Variants in DOCK2 observed in about 807,000 individuals in gnomAD.
The protein encoded by DOCK2 is dedicator of cytokinesis protein 2.
A neutral mutation model predicts 248.9 loss-of-function variants in DOCK2; 87 were observed. That is an observed-to-expected ratio of 0.35 (90% CI 0.29 to 0.42). The LOEUF is 0.42. Ranked by LOEUF, DOCK2 falls within the 10% of genes least tolerant of loss-of-function variation. The pLI is 1.00. For missense variants in DOCK2, 1,747 were observed against 2,300.2 expected, an observed-to-expected ratio of 0.76 and a Z score of 4.92; for synonymous variants, 805 against 821.6, an observed-to-expected ratio of 0.98 and a Z score of 0.35.
rs1755630047 is a variant in DOCK2, at chr5:170,019,003, A to G, written c.3276A>G (p.Ile1092Met). 1.9e-6 allele frequency: 3 copies of G among 1,614,090 alleles called. No individual in the cohort carries two copies. The highest frequency in any genetic ancestry group is 1.7e-6 in the Non-Finnish European group (2 of 1,179,974). ...TCATCCCAGGCATGGTAGGACCTAT[A>G]TTAGAGATGACACTTATCCCTGAGG... ...ICFIPGMVGP[I>M]LEMTLIPEAE... Residue 1092 changes from isoleucine (I) to methionine (M), a missense_variant, in exon 33 of 52, where the codon ATA becomes ATG. Transcript: ENST00000520908.
chr5:169,736,490 G>C (rs1344110531), intron 22 of DOCK2, among the ~76,000 whole-genome samples: 3 of 152,108 alleles, frequency 2.0e-5, no homozygotes, highest in African/African-American at 7.2e-5. Flanking sequence ...GTCCACACAG[G>C]GTGTGTTAAA....
Position 169,966,033 on chromosome 5 carries a change from T to C in DOCK2, c.2800-17035T>C, listed in dbSNP as rs368941605. Among the ~76,000 whole-genome samples the C allele has an allele frequency of 2.8e-4, 43 of 152,330 alleles. 1 individual carries two copies. The South Asian group carries it at 8.3e-3, about 29-fold the overall frequency. On this transcript the variant is annotated intron_variant, in intron 27 of 51. Transcript: ENST00000520908. ...ATGAACCAGGGAAAAATCCACTGCC[T>C]TCCGAAGAGCAGGAAGTTTTCCTTT...
At chr5:169,998,952 G>C (rs1475089989) in intron 30 of DOCK2, among the ~76,000 whole-genome samples, 1 of 152,190 alleles carries the variant, frequency 6.6e-6, no homozygotes, top group Non-Finnish European at 1.5e-5. Flanking sequence ...CTTTTTGGGA[G>C]GGGCAACTTG....
At chr5:170,052,989 G>T (rs1434534273) in intron 41 of DOCK2, among the ~76,000 whole-genome samples, 1 of 152,224 alleles carries the variant, frequency 6.6e-6, no homozygotes, top group Non-Finnish European at 1.5e-5. Context: ...CTGATAAGCA[G>T]TCTGAGAGGG....
chr5:169,699,548 G>T (rs2112704), intron 12 of DOCK2, 90 bp downstream of exon 12: 32 of 1,270,648 alleles, frequency 2.5e-5, no homozygotes, highest in Non-Finnish European at 3.4e-5. Flanking sequence ...TGAACCCTGG[G>T]ATACTTAGCT....
Position 169,712,136 on chromosome 5 carries a change from A to G in DOCK2, c.1572A>G (p.Glu524=), listed in dbSNP as rs1217473246. The change falls in exon 17 of 52, where the codon GAA becomes GAG. Residue 524 remains glutamate, a synonymous_variant. Transcript: ENST00000520908. ...RSSLESKDKG[E]KNFAMSYVKL... ...TATTTCCAGCTAAAGATAAAGGAGA[A>G]AAGAACTTTGCCATGTCCTATGTGA... 1 of 1,614,122 alleles carries G rather than the reference A, an allele frequency of 6.2e-7. No individual in the cohort carries two copies. Among genetic ancestry groups the G allele is most frequent in the South Asian group, 1.1e-5 (1 of 91,092 alleles).
intron 27 of DOCK2, among the ~76,000 whole-genome samples, chr5:169,886,957 C>T (rs1239118830): frequency 1.3e-5 from 2 of 152,164 alleles, no homozygotes; most frequent in Admixed American, 6.5e-5. Flanking sequence ...AATCCTATGA[C>T]ACTCGTAGAG....
chr5:169,966,254 T>TA (rs1777296071), intron 27 of DOCK2, among the ~76,000 whole-genome samples: 1 of 152,106 alleles, frequency 6.6e-6, no homozygotes, highest in Non-Finnish European at 1.5e-5. Context: ...ATAACAAAGA[T>TA]AAAATGGGCT....
intron 27 of DOCK2, among the ~76,000 whole-genome samples, chr5:169,889,585 G>A (rs541964061): frequency 3.9e-5 from 6 of 152,326 alleles, no homozygotes; most frequent in East Asian, 1.9e-4. Flanking sequence ...GGTGCTTTAC[G>A]TGTTAACTGG....
intron 35 of DOCK2, among the ~76,000 whole-genome samples, chr5:170,036,161 T>C (rs372673115): frequency 2.0e-5 from 3 of 152,210 alleles, no homozygotes; most frequent in African/African-American, 7.2e-5. Flanking sequence ...AACATCAAGC[T>C]GGGCTGCCTT....
At chr5:169,759,329 C>T (rs542258427) in intron 23 of DOCK2, among the ~76,000 whole-genome samples, 51 of 152,294 alleles carry the variant, frequency 3.3e-4, no homozygotes, top group African/African-American at 1.1e-3. Context: ...TTTTAATCTT[C>T]GCAATCCTTC....
chr5:169,980,968 G>A (rs1777918872), intron 27 of DOCK2, among the ~76,000 whole-genome samples: 2 of 152,144 alleles, frequency 1.3e-5, no homozygotes, highest in Admixed American at 1.3e-4. Context: ...AGTCATTTAC[G>A]GTGTGTGGGT....
intron 10 of DOCK2, 130 bp downstream of exon 10, chr5:169,696,068 C>A: frequency 8.1e-7 from 1 of 1,233,590 alleles, no homozygotes; most frequent in East Asian, 2.8e-5. Flanking sequence ...CCAGACAGCC[C>A]TTAATAACTA....
At position 169,987,189 on chromosome 5, in the gene DOCK2, T is replaced by C. The variant is rs551253075; in HGVS notation, c.2993+1267T>C. Among the ~76,000 whole-genome samples, 32 of 152,292 alleles carry C rather than the reference T, an allele frequency of 2.1e-4. No individual in the cohort carries two copies. The South Asian group carries it at 6.0e-3, about 29-fold the overall frequency. ...ATGGGCTCTAGAAGTTGCAGATATA[T>C]TCCTTGTTGTATTTTCAACCACAAT... On this transcript the variant is annotated intron_variant, in intron 29 of 51. Coordinates refer to ENST00000520908, the MANE Select transcript of DOCK2 (RefSeq NM_004946.3).
chr5:169,995,187 C>T (rs955985933), intron 29 of DOCK2, among the ~76,000 whole-genome samples: 1 of 152,004 alleles, frequency 6.6e-6, no homozygotes, highest in African/African-American at 2.4e-5. Context: ...CACCACAACG[C>T]CCGGCTAATT....
intron 2 of DOCK2, 75 bp from the exon 3 acceptor site, chr5:169,669,203 TAAAACAAAAC>T (rs71310047): frequency 9.1e-6 from 14 of 1,536,984 alleles, no homozygotes; most frequent in African/African-American, 4.1e-5. Context: ...TTTACTAGTT[TAAAACAAAAC>T]AAAACAAAAC....
At chr5:169,742,764 C>T (rs1055482723) in intron 22 of DOCK2, among the ~76,000 whole-genome samples, 25 of 152,296 alleles carry the variant, frequency 1.6e-4, no homozygotes, top group African/African-American at 5.8e-4. Context: ...ATATGGGGCT[C>T]CATTTGCATT....
intron 1 of DOCK2, among the ~76,000 whole-genome samples, chr5:169,653,261 C>T (rs1008302073): frequency 7.9e-5 from 12 of 152,216 alleles, no homozygotes; most frequent in African/African-American, 2.2e-4. Context: ...GGCCTGCCTA[C>T]GTTTAGTTCC....
chr5:169,729,180 C>T lies in DOCK2; in HGVS notation c.2267+10389C>T, dbSNP rs545760803. 7.2e-5 allele frequency among the ~76,000 whole-genome samples: 11 copies of T among 152,184 alleles called. No homozygotes were observed. In the South Asian group the frequency reaches 1.0e-3, roughly 14 times the overall value. On this transcript the variant is annotated intron_variant, in intron 22 of 51. Transcript: ENST00000520908. ...CCCCTGTAACGAAATATGAACATAC[C>T]GGATAAGAAGGGTCTAGTTTGCCAG...
Sources: allele counts gnomAD v4.1 joint callset (sites outside exome capture counted in the v4.1 genomes callset), GRCh38; gene constraint gnomAD v4.1.1; transcripts MANE v1.5; gene names NCBI Gene and HGNC (gene_info 2026-07-23, HGNC 2026-07-21).